Variants in SVOPL observed in about 807,000 individuals in gnomAD.
The protein encoded by SVOPL is SVOP like, also known as putative transporter SVOPL.
Under a neutral mutation model 61.0 loss-of-function variants are expected in SVOPL, and 60 were observed. The observed-to-expected ratio is 0.98, with a 90% CI of 0.80 to 1.22. SVOPL has a LOEUF of 1.22. Among genes scored for constraint, SVOPL ranks in the 50% most tolerant of loss-of-function variants. The probability of loss-of-function intolerance (pLI) is 0.00; values close to 1 mark genes in which losing one functional copy is unlikely to be tolerated. For synonymous variants in SVOPL, 279 were observed against 250.0 expected (o/e 1.12, Z -1.09); for missense variants, 662 against 643.9 (o/e 1.03, Z -0.30).
At chr7:138,675,403 G>C (rs1394726063) in intron 3 of SVOPL, among the ~76,000 whole-genome samples, 1 of 152,038 alleles carries the variant, frequency 6.6e-6, no homozygotes, top group Non-Finnish European at 1.5e-5. Flanking sequence ...GCCCAGGCTA[G>C]AGTACAGTGG....
Position 138,661,836 on chromosome 7 carries a change from G to C in SVOPL, c.345+1238C>G, listed in dbSNP as rs192764716. The C allele has an allele frequency of 4.4e-5, 43 of 982,136 alleles. No homozygotes were observed. The African/African-American group carries it at 7.5e-4, about 17-fold the overall frequency. The allele number at this position is 982,136 out of a possible 1,614,324, so 60.8% of individuals were successfully genotyped here. On this transcript the variant is annotated intron_variant, in intron 5 of 15. Coordinates refer to ENST00000674285, the MANE Select transcript of SVOPL (RefSeq NM_001139456.2). ...CTTCCGAGCTGCAATCCTCAATCTT[G>C]GTCCAAATAAACTCCCTACTTATAT...
chr7:138,597,294 AC>A (rs1285276374), intron 14 of SVOPL: 1 of 1,183,070 alleles, frequency 8.5e-7, no homozygotes, highest in Admixed American at 2.5e-5. Flanking sequence ...AGACCTAGAA[AC>A]TATCTGGCTG....
chr7:138,646,109 C>A (rs925069466), intron 8 of SVOPL: 1 of 190,964 alleles, frequency 5.2e-6, no homozygotes, highest in Non-Finnish European at 1.1e-5. Flanking sequence ...CTACCGCGCC[C>A]GGCTGGCTTG....
At chr7:138,686,932 C>T (rs1802830744) in intron 1 of SVOPL, among the ~76,000 whole-genome samples, 1 of 152,146 alleles carries the variant, frequency 6.6e-6, no homozygotes, top group Non-Finnish European at 1.5e-5. Flanking sequence ...TGTATATATT[C>T]TTTGTTTTCT....
chr7:138,700,481 G>A (rs982261739), intron 1 of SVOPL, among the ~76,000 whole-genome samples: 3 of 151,750 alleles, frequency 2.0e-5, no homozygotes, highest in African/African-American at 7.3e-5. Flanking sequence ...TGGGATTACA[G>A]GCACCCACCA....
intron 1 of SVOPL, among the ~76,000 whole-genome samples, chr7:138,682,526 A>ATTTTTCT (rs1802721654): frequency 6.6e-6 from 1 of 152,238 alleles, no homozygotes; most frequent in East Asian, 1.9e-4. Flanking sequence ...GTATAAGAAA[A>ATTTTTCT]ATGACCCAGT....
chr7:138,613,148 T>C (rs2116829498), intron 14 of SVOPL, among the ~76,000 whole-genome samples: 1 of 152,034 alleles, frequency 6.6e-6, no homozygotes. Context: ...GCCTCCCAAC[T>C]AGCTGGGACT....
chr7:138,680,287 T>C (rs1381198559), intron 1 of SVOPL, among the ~76,000 whole-genome samples: 3 of 151,016 alleles, frequency 2.0e-5, no homozygotes, highest in African/African-American at 4.9e-5. Context: ...TCCTCCCTCT[T>C]ACATGCACCC....
chr7:138,689,401 G>A, intron 1 of SVOPL: 1 of 1,386,688 alleles, frequency 7.2e-7, no homozygotes, highest in Non-Finnish European at 1.0e-6. Flanking sequence ...CCATGCATGA[G>A]CTCTCCCTGC....
rs922861847 is a variant in SVOPL at position 138,596,518 on chromosome 7, C to T, written c.1366G>A (p.Ala456Thr). 6.2e-7 allele frequency: 1 copy of T among 1,613,582 alleles called. No individual in the cohort carries two copies. ...APFISQVLMS[A>T]SILGALCLFS... Reference sequence around the variant, plus strand: ...AGACACAGGGCCCCCAGTATTGATGCACTCATAAGAACCTGCAAGTCACAA... The same window carrying T: ...AGACACAGGGCCCCCAGTATTGATGTACTCATAAGAACCTGCAAGTCACAA... Residue 456 changes from alanine to threonine, a missense_variant, in exon 15 of 16, where the codon GCA becomes ACA. Ala to Thr is a moderately conservative substitution (Grantham distance 58). Transcript: ENST00000674285.
chr7:138,678,933 G>T (rs1409237002), intron 2 of SVOPL, 31 bp downstream of exon 2: 33 of 1,542,530 alleles, frequency 2.1e-5, no homozygotes, highest in South Asian at 6.0e-5. Flanking sequence ...TAAGCAGCAG[G>T]TTGAGCTGGA....
intron 4 of SVOPL, among the ~76,000 whole-genome samples, chr7:138,668,981 A>T (rs1403630909): frequency 6.6e-6 from 1 of 152,154 alleles, no homozygotes; most frequent in Non-Finnish European, 1.5e-5. Context: ...TCTTCTATTA[A>T]GTCGTTGGGG....
intron 1 of SVOPL, among the ~76,000 whole-genome samples, chr7:138,690,818 G>T (rs543617516): frequency 5.2e-4 from 79 of 152,042 alleles, no homozygotes; most frequent in Middle Eastern, 3.4e-3. Flanking sequence ...TGTTGCCCAG[G>T]CTGGAGTGCA....
At chr7:138,625,934 C>T (rs774328776) in intron 13 of SVOPL, 35 bp downstream of exon 13, 2 of 1,608,330 alleles carry the variant, frequency 1.2e-6, no homozygotes, top group East Asian at 2.2e-5. Context: ...TCACCTTACA[C>T]ACCCTTTGTA....
chr7:138,598,584 C>T (rs1172512562), intron 14 of SVOPL, among the ~76,000 whole-genome samples: 1 of 152,082 alleles, frequency 6.6e-6, no homozygotes, highest in African/African-American at 2.4e-5. Context: ...AAAGGATCCT[C>T]AAGAGATTTA....
intron 5 of SVOPL, chr7:138,662,829 C>A: frequency 7.5e-7 from 1 of 1,329,462 alleles, no homozygotes. Context: ...TTTCTTAGAA[C>A]TCTATAATAC....
intron 7 of SVOPL, among the ~76,000 whole-genome samples, chr7:138,653,408 C>T (rs978695224): frequency 8.5e-5 from 13 of 152,148 alleles, no homozygotes; most frequent in Admixed American, 1.3e-4. Context: ...CTTCAAAGGA[C>T]GGGCTGAATC....
chr7:138,689,348 T>C (rs1584870615), intron 1 of SVOPL: 1 of 1,591,014 alleles, frequency 6.3e-7, no homozygotes, highest in East Asian at 2.2e-5. Context: ...ACAAAGCACC[T>C]AAGATGCGCC....
intron 1 of SVOPL, among the ~76,000 whole-genome samples, chr7:138,689,822 A>C (rs764215624): frequency 5.0e-4 from 73 of 145,718 alleles, no homozygotes; most frequent in Non-Finnish European, 8.3e-4. Context: ...ATGCCACTGC[A>C]CTCCAGTCTG....
Sources: allele counts gnomAD v4.1 joint callset (sites outside exome capture counted in the v4.1 genomes callset), GRCh38; gene constraint gnomAD v4.1.1; transcripts MANE v1.5; gene names NCBI Gene and HGNC (gene_info 2026-07-23, HGNC 2026-07-21).